Variants in PTPRT observed in about 807,000 individuals in gnomAD.
PTPRT encodes the protein protein tyrosine phosphatase receptor type T, also known as receptor-type tyrosine-protein phosphatase T.
In PTPRT, 56 loss-of-function variants were observed where a neutral mutation model predicts 176.8. That is an observed-to-expected ratio of 0.32 (90% CI 0.26 to 0.40). The LOEUF is 0.40. Ranked by LOEUF, PTPRT falls within the 10% of genes least tolerant of loss-of-function variation. The pLI is 1.00. For synonymous variants in PTPRT, 783 were observed against 739.0 expected (o/e 1.06, Z -0.96); for missense variants, 1,540 against 1,908.2 (o/e 0.81, Z 3.60).
At chr20:43,038,426 C>T (rs768220069) in intron 1 of PTPRT, among the ~76,000 whole-genome samples, 20 of 152,140 alleles carry the variant, frequency 1.3e-4, no homozygotes, top group Non-Finnish European at 2.5e-4. Flanking sequence ...ACAATCTCAA[C>T]ATTCGTTCCT....
intron 2 of PTPRT, among the ~76,000 whole-genome samples, chr20:42,818,049 C>T (rs940709860): frequency 3.9e-5 from 6 of 152,154 alleles, no homozygotes; most frequent in Admixed American, 1.3e-4. Context: ...TCCTGATCCC[C>T]GTGCCACCCA....
intron 9 of PTPRT, among the ~76,000 whole-genome samples, chr20:42,434,270 G>A (rs60573844): frequency 0.11 from 16,567 of 152,074 alleles, 926 homozygotes; most frequent in Middle Eastern, 0.14. Flanking sequence ...TAGCGATGTC[G>A]ATATTTGAAT....
At chr20:42,776,799 ATTAT>A (rs1340415747) in intron 4 of PTPRT, among the ~76,000 whole-genome samples, 11 of 148,464 alleles carry the variant, frequency 7.4e-5, no homozygotes, top group South Asian at 4.2e-4. Context: ...TGATTATATA[ATTAT>A]TTATATACTA....
intron 7 of PTPRT, among the ~76,000 whole-genome samples, chr20:42,513,607 T>A (rs2072002474): frequency 6.6e-6 from 1 of 152,224 alleles, no homozygotes; most frequent in African/African-American, 2.4e-5. Flanking sequence ...ATTAATATTC[T>A]ATTACATTTC....
intron 7 of PTPRT, among the ~76,000 whole-genome samples, chr20:42,668,141 G>T (rs1228877744): frequency 6.6e-6 from 1 of 151,978 alleles, no homozygotes; most frequent in Non-Finnish European, 1.5e-5. Flanking sequence ...GTGGTGGGGG[G>T]AAAGAAAAAA....
chr20:42,371,818 T>A (rs1383256319), intron 9 of PTPRT, among the ~76,000 whole-genome samples: 2 of 152,140 alleles, frequency 1.3e-5, no homozygotes, highest in African/African-American at 4.8e-5. Flanking sequence ...GCATTATCAG[T>A]TGTGTCCAGG....
rs550274054 is a variant in PTPRT, at chr20:42,138,789, T to C, written c.2770+3126A>G. Among the ~76,000 whole-genome samples, 10 of 152,338 alleles carry C rather than the reference T, an allele frequency of 6.6e-5. No homozygotes were observed. In the East Asian group the frequency reaches 1.9e-3, roughly 29 times the overall value. ...AAACCCCACTGTCTCTATTACTAAATTCTAAATAGAATCACTTGGAAGAAA... is the reference window on the plus strand; with the variant it reads ...AAACCCCACTGTCTCTATTACTAAACTCTAAATAGAATCACTTGGAAGAAA... On this transcript the variant is annotated intron_variant, in intron 18 of 30. Transcript: ENST00000373187.
chr20:42,589,612 A>G (rs544648674), intron 7 of PTPRT, among the ~76,000 whole-genome samples: 20 of 152,244 alleles, frequency 1.3e-4, no homozygotes, highest in Admixed American at 1.2e-3. Context: ...AAAATGCTTT[A>G]TTGACATGGC....
chr20:42,862,202 C>T (rs984278798), intron 2 of PTPRT, among the ~76,000 whole-genome samples: 1 of 152,098 alleles, frequency 6.6e-6, no homozygotes, highest in Non-Finnish European at 1.5e-5. Context: ...GTGCTGGAGG[C>T]CACTGTATTG....
rs1451244857 is a variant in PTPRT at position 42,110,445 on chromosome 20, T to TGAA, written c.3139_3141dup (p.Phe1047dup). 2 of 1,611,122 alleles carry TGAA rather than the reference T, an allele frequency of 1.2e-6. No individual in the cohort carries two copies. The highest frequency in any genetic ancestry group is 1.7e-6 in the Non-Finnish European group (2 of 1,177,964). On this transcript the variant is annotated inframe_insertion, in exon 23 of 31. Coordinates refer to ENST00000373187, the MANE Select transcript of PTPRT (RefSeq NM_007050.6). ...GGAACGCCGTGGTCAGGCCAGCTGG[T>TGAA]GAAGTGGAAGAGGCGGAGCTCCCGG...
chr20:42,689,644 A>G (rs1489849599), intron 6 of PTPRT, among the ~76,000 whole-genome samples: 1 of 152,230 alleles, frequency 6.6e-6, no homozygotes, highest in Admixed American at 6.5e-5. Flanking sequence ...AAACTTGTAT[A>G]GACTCTGAAG....
chr20:42,391,613 T>C (rs985205010), intron 9 of PTPRT, among the ~76,000 whole-genome samples: 1 of 152,132 alleles, frequency 6.6e-6, no homozygotes, highest in African/African-American at 2.4e-5. Context: ...CACAGTTTTT[T>C]GTTTGTTCGT....
At chr20:42,652,892 C>G (rs993547835) in intron 7 of PTPRT, among the ~76,000 whole-genome samples, 2 of 152,174 alleles carry the variant, frequency 1.3e-5, no homozygotes, top group African/African-American at 4.8e-5. Flanking sequence ...TCCCAGCATT[C>G]TCTTTCTCCA....
At chr20:42,862,539 A>G (rs1024867427) in intron 2 of PTPRT, among the ~76,000 whole-genome samples, 10 of 152,176 alleles carry the variant, frequency 6.6e-5, no homozygotes, top group African/African-American at 2.4e-4. Flanking sequence ...CCTCTCCCAT[A>G]GCCAGGGTGC....
intron 9 of PTPRT, among the ~76,000 whole-genome samples, chr20:42,397,850 G>T (rs2425490): frequency 0.86 from 131,246 of 152,224 alleles, 56,713 homozygotes; most frequent in African/African-American, 0.9. Context: ...CTCTTGGTTC[G>T]TTGAGAAATC....
At position 42,595,839 on chromosome 20, in the gene PTPRT, C is replaced by A. The variant is rs2073661684; in HGVS notation, c.1153+82027G>T. On this transcript the variant is annotated intron_variant, in intron 7 of 30. Transcript: ENST00000373187. ...CTTCTCCTGGCACCTCACCCCCACA[C>A]CTGCCTAGAGACAAGGCTGCCCAGG... 2.0e-5 allele frequency among the ~76,000 whole-genome samples: 3 copies of A among 152,274 alleles called. No homozygotes were observed. In the South Asian group the frequency reaches 6.2e-4, roughly 32 times the overall value.
At chr20:43,048,833 G>A (rs773070100) in intron 1 of PTPRT, among the ~76,000 whole-genome samples, 2 of 152,106 alleles carry the variant, frequency 1.3e-5, no homozygotes, top group African/African-American at 4.8e-5. Context: ...GGGCCTGTGG[G>A]GGGAGAGAGG....
intron 13 of PTPRT, among the ~76,000 whole-genome samples, chr20:42,274,386 T>C (rs2056990525): frequency 6.6e-6 from 1 of 152,204 alleles, no homozygotes; most frequent in Non-Finnish European, 1.5e-5. Flanking sequence ...GGGTATTAGC[T>C]TGTTATGTTA....
intron 15 of PTPRT, among the ~76,000 whole-genome samples, chr20:42,209,001 A>G (rs185774157): frequency 2.0e-5 from 3 of 152,140 alleles, no homozygotes; most frequent in East Asian, 1.9e-4. Flanking sequence ...CTCACTCAAA[A>G]CCGCTCAACG....
Sources: allele counts gnomAD v4.1 joint callset (sites outside exome capture counted in the v4.1 genomes callset), GRCh38; gene constraint gnomAD v4.1.1; transcripts MANE v1.5; gene names NCBI Gene and HGNC (gene_info 2026-07-23, HGNC 2026-07-21).